The following SUPT3H variants were observed in gnomAD, a reference collection of about 807,000 sequenced individuals.
SUPT3H encodes transcription initiation protein SPT3 homolog.
SUPT3H carries 44 observed loss-of-function variants against 44.3 expected under a neutral mutation model. That is an observed-to-expected ratio of 0.99 (90% CI 0.78 to 1.28). SUPT3H has a LOEUF of 1.28. Among genes scored for constraint, SUPT3H ranks in the 50% most tolerant of loss-of-function variants. The pLI, the probability that SUPT3H is intolerant of heterozygous loss-of-function variation, is 0.00. For synonymous variants in SUPT3H, 124 were observed against 125.6 expected, an observed-to-expected ratio of 0.99 and a Z score of 0.09; for missense variants, 380 against 387.1, an observed-to-expected ratio of 0.98 and a Z score of 0.15.
chr6:45,172,230 G>A (rs1280063089), intron 2 of SUPT3H, among the ~76,000 whole-genome samples: 35 of 151,626 alleles, frequency 2.3e-4, no homozygotes, highest in South Asian at 4.2e-4. Flanking sequence ...ACGCTACCAC[G>A]CCCAGCTAAT....
chr6:44,823,900 T>C (rs1049948810), downstream of SUPT3H, among the ~76,000 whole-genome samples: 2 of 151,782 alleles, frequency 1.3e-5, no homozygotes, highest in Admixed American at 6.6e-5. Flanking sequence ...GAGGTGGAGG[T>C]TGCAGTGAGC....
chr6:44,928,882 C>CAAAAAAAA (rs35656937), intron 10 of SUPT3H, among the ~76,000 whole-genome samples: 7 of 20,636 alleles, frequency 3.4e-4, no homozygotes, highest in Admixed American at 6.3e-4. Context: ...GACTCCGTCT[C>CAAAAAAAA]AAAAAAAAAA....
chr6:45,283,863 G>C (rs1305485391), intron 2 of SUPT3H, among the ~76,000 whole-genome samples: 4 of 152,108 alleles, frequency 2.6e-5, no homozygotes, highest in African/African-American at 4.8e-5. Context: ...AAATGTAAAA[G>C]AACAGAAATT....
intron 2 of SUPT3H, among the ~76,000 whole-genome samples, chr6:45,313,376 A>G (rs1784247164): frequency 6.6e-6 from 1 of 152,194 alleles, no homozygotes; most frequent in Non-Finnish European, 1.5e-5. Context: ...GAAAAGATAT[A>G]TAAGATTGAT....
intron 2 of SUPT3H, among the ~76,000 whole-genome samples, chr6:45,234,582 C>T (rs1768744022): frequency 6.6e-6 from 1 of 151,004 alleles, no homozygotes; most frequent in Non-Finnish European, 1.5e-5. Flanking sequence ...TATATATACA[C>T]ACATGACCTG....
chr6:45,194,318 C>A (rs970014871), intron 2 of SUPT3H, among the ~76,000 whole-genome samples: 1 of 151,804 alleles, frequency 6.6e-6, no homozygotes, highest in African/African-American at 2.4e-5. Flanking sequence ...AAAAAAAAAT[C>A]AACTCAAAAT....
chr6:45,199,984 G>A (rs980924907), intron 2 of SUPT3H, among the ~76,000 whole-genome samples: 3 of 151,074 alleles, frequency 2.0e-5, no homozygotes, highest in African/African-American at 4.8e-5. Flanking sequence ...TCTAGCTTCC[G>A]TCCATATAAA....
intron 10 of SUPT3H, among the ~76,000 whole-genome samples, chr6:44,921,635 A>G (rs536185109): frequency 6.6e-6 from 1 of 152,168 alleles, no homozygotes; most frequent in African/African-American, 2.4e-5. Flanking sequence ...ATATTTGTCA[A>G]CTATAACTCA....
In SUPT3H at chr6:45,357,006, A is replaced by T. The variant is rs1474210194; in HGVS notation, c.101+8195T>A. ...TCTGATATATTTTTAGTAATGAAGA[A>T]TCCATTTTTTTCTTTTCTGAGACGG... On this transcript the variant is annotated intron_variant, in intron 2 of 10. Coordinates refer to ENST00000371459, the MANE Select transcript of SUPT3H (RefSeq NM_003599.4). Among the ~76,000 whole-genome samples the T allele has an allele frequency of 2.6e-5, 4 of 151,954 alleles. No individual in the cohort carries two copies. In the South Asian group the frequency reaches 8.3e-4, roughly 32 times the overall value.
At chr6:44,902,967 G>A (rs1487681536) in intron 10 of SUPT3H, among the ~76,000 whole-genome samples, 1 of 152,084 alleles carries the variant, frequency 6.6e-6, no homozygotes, top group Admixed American at 6.6e-5. Context: ...AAATAAAGAT[G>A]TCCTTTGAAA....
intron 3 of SUPT3H, among the ~76,000 whole-genome samples, chr6:45,042,875 G>A (rs1788756536): frequency 6.6e-6 from 1 of 152,052 alleles, no homozygotes; most frequent in Non-Finnish European, 1.5e-5. Context: ...AATGGATTAA[G>A]AAAATGTGGA....
At chr6:45,101,025 A>G (rs576941466) in intron 3 of SUPT3H, among the ~76,000 whole-genome samples, 35 of 152,342 alleles carry the variant, frequency 2.3e-4, no homozygotes, top group African/African-American at 8.4e-4. Context: ...AAAAGAAGGG[A>G]ATTCTGTCAT....
chr6:44,978,622 T>A (rs1349884347), intron 6 of SUPT3H, among the ~76,000 whole-genome samples: 1 of 152,192 alleles, frequency 6.6e-6, no homozygotes, highest in Non-Finnish European at 1.5e-5. Flanking sequence ...AGGCTTTAAG[T>A]GGGAACACAG....
chr6:45,305,197 C>T (rs1325768776), intron 2 of SUPT3H, among the ~76,000 whole-genome samples: 1 of 152,202 alleles, frequency 6.6e-6, no homozygotes. Context: ...GCTTTTAGCT[C>T]TAAATCTAAA....
intron 10 of SUPT3H, among the ~76,000 whole-genome samples, chr6:44,858,853 T>C (rs1285776305): frequency 6.6e-6 from 1 of 152,184 alleles, no homozygotes; most frequent in African/African-American, 2.4e-5. Context: ...ACATTTTGCC[T>C]GTGTAGACAA....
intron 2 of SUPT3H, among the ~76,000 whole-genome samples, chr6:45,364,496 C>T (rs931097835): frequency 6.6e-6 from 1 of 152,152 alleles, no homozygotes; most frequent in African/African-American, 2.4e-5. Context: ...TCTTGCCCCC[C>T]ACCTTATACA....
At chr6:44,966,289 A>C (rs1395550899) in intron 6 of SUPT3H, among the ~76,000 whole-genome samples, 1 of 152,116 alleles carries the variant, frequency 6.6e-6, no homozygotes, top group African/African-American at 2.4e-5. Flanking sequence ...CATGATCAGA[A>C]TAATGCTTAC....
intron 2 of SUPT3H, among the ~76,000 whole-genome samples, chr6:45,284,087 C>G (rs915597555): frequency 6.6e-6 from 1 of 152,168 alleles, no homozygotes; most frequent in East Asian, 1.9e-4. Context: ...GGGACACATT[C>G]AAAGCAGTGT....
At chr6:44,883,988 C>G (rs1181992639) in intron 10 of SUPT3H, among the ~76,000 whole-genome samples, 1 of 152,150 alleles carries the variant, frequency 6.6e-6, no homozygotes, top group East Asian at 1.9e-4. Flanking sequence ...AAAGCAATGA[C>G]AGCAAAAGCC....
Sources: allele counts gnomAD v4.1 joint callset (sites outside exome capture counted in the v4.1 genomes callset), GRCh38; gene constraint gnomAD v4.1.1; transcripts MANE v1.5; gene names NCBI Gene and HGNC (gene_info 2026-07-23, HGNC 2026-07-21).